SEMA4D: variants seen among roughly 807,000 people sequenced by gnomAD.
SEMA4D encodes semaphorin 4D, also known as semaphorin-4D.
SEMA4D carries 22 observed loss-of-function variants against 74.8 expected under a neutral mutation model. The ratio of observed to expected loss-of-function variants is 0.29; its 90% confidence interval spans 0.21 to 0.42. The LOEUF is 0.42. Ranked by LOEUF, SEMA4D falls within the 10% of genes least tolerant of loss-of-function variation. The pLI is 1.00. For missense variants in SEMA4D, 937 were observed against 1,118.4 expected, an observed-to-expected ratio of 0.84 and a Z score of 2.31; for synonymous variants, 445 against 463.7, an observed-to-expected ratio of 0.96 and a Z score of 0.52.
intron 2 of SEMA4D, among the ~76,000 whole-genome samples, chr9:89,423,467 G>GGCATGAGCCACTGTGTCCGGCCA (rs1390672857): frequency 1.3e-5 from 2 of 152,148 alleles, no homozygotes; most frequent in Non-Finnish European, 2.9e-5. Flanking sequence ...TGGGATTATA[G>GGCATGAGCCACTGTGTCCGGCCA]GCATGAGCCA....
chr9:89,390,499 G>A (rs1368432965), intron 9 of SEMA4D, among the ~76,000 whole-genome samples: 1 of 152,224 alleles, frequency 6.6e-6, no homozygotes, highest in Non-Finnish European at 1.5e-5. Flanking sequence ...GGGCTGTTAA[G>A]GGAACGGTGT....
intron 2 of SEMA4D, among the ~76,000 whole-genome samples, chr9:89,430,793 A>G (rs1849111855): frequency 6.6e-6 from 1 of 152,234 alleles, no homozygotes; most frequent in African/African-American, 2.4e-5. Context: ...GATGGCCTAC[A>G]TGGCAAAACC....
chr9:89,421,563 C>T lies in SEMA4D; in HGVS notation c.-243-15864G>A, dbSNP rs533049705. 2.6e-4 allele frequency among the ~76,000 whole-genome samples: 40 copies of T among 152,338 alleles called. No homozygotes were observed. The South Asian group carries it at 4.3e-3, about 17-fold the overall frequency. ...CTATTCAATAGGTAAACTCCAAAGA[C>T]ACCCAGAAGTCCACCAGTGTGTGTG... On this transcript the variant is annotated intron_variant, in intron 2 of 15. Coordinates refer to ENST00000422704, the MANE Select transcript of SEMA4D (RefSeq NM_001371194.2).
At chr9:89,403,714 C>G (rs1377191286) in intron 3 of SEMA4D, among the ~76,000 whole-genome samples, 1 of 152,152 alleles carries the variant, frequency 6.6e-6, no homozygotes, top group South Asian at 2.1e-4. Context: ...GTCCTGACAA[C>G]AATTTGAGCA....
chr9:89,393,057 C>G (rs144224296), intron 7 of SEMA4D, among the ~76,000 whole-genome samples: 3 of 152,276 alleles, frequency 2.0e-5, no homozygotes, highest in Admixed American at 1.3e-4. Flanking sequence ...CTGAGCCTCC[C>G]GAGTAGCTAG....
chr9:89,487,812 T>C (rs1288778786), intron 1 of SEMA4D, among the ~76,000 whole-genome samples: 1 of 152,204 alleles, frequency 6.6e-6, no homozygotes, highest in Non-Finnish European at 1.5e-5. Context: ...GTGCAAGACC[T>C]GTACACTCAA....
chr9:89,418,330 C>T (rs1481216889), intron 2 of SEMA4D: 26 of 972,148 alleles, frequency 2.7e-5, no homozygotes, highest in African/African-American at 5.3e-5. Flanking sequence ...CACCCACCCA[C>T]GAACAGAGGG....
Position 89,418,441 on chromosome 9 carries a change from T to C in SEMA4D, c.-243-12742A>G, listed in dbSNP as rs530595044. 43 of 985,302 alleles carry C rather than the reference T, an allele frequency of 4.4e-5. 2 individuals carry two copies. In the Middle Eastern group the frequency reaches 1.6e-3, roughly 36 times the overall value. 61.0% of individuals were successfully genotyped at this position (985,302 alleles called of 1,614,324 possible). On this transcript the variant is annotated intron_variant, in intron 2 of 15. Coordinates refer to ENST00000422704, the MANE Select transcript of SEMA4D (RefSeq NM_001371194.2). ...AAGCCATTCCAGTTAGCAGAGTCTG[T>C]GAACCAAAAAAGTACTATCTAATTG...
chr9:89,481,302 T>C (rs879563452), intron 1 of SEMA4D, among the ~76,000 whole-genome samples: 2 of 152,036 alleles, frequency 1.3e-5, no homozygotes, highest in Admixed American at 1.3e-4. Flanking sequence ...GCGGGGCCCA[T>C]CAGCAAGCAA....
intron 1 of SEMA4D, among the ~76,000 whole-genome samples, chr9:89,473,059 G>A (rs1435543384): frequency 2.6e-5 from 4 of 152,114 alleles, no homozygotes; most frequent in African/African-American, 4.8e-5. Context: ...CTGCACTCCC[G>A]CCTAGGCAAC....
intron 4 of SEMA4D, among the ~76,000 whole-genome samples, chr9:89,401,813 T>C (rs1255109779): frequency 6.6e-6 from 1 of 152,162 alleles, no homozygotes; most frequent in Admixed American, 6.5e-5. Context: ...TAGCTGGTGA[T>C]GGGCACTTCC....
At chr9:89,469,604 T>C (rs1859667751) in intron 1 of SEMA4D, among the ~76,000 whole-genome samples, 1 of 152,096 alleles carries the variant, frequency 6.6e-6, no homozygotes, top group Admixed American at 6.5e-5. Context: ...AAACACAAGA[T>C]TGACTCAGTG....
Position 89,379,361 on chromosome 9 carries a change from C to T in SEMA4D, c.1932G>A (p.Leu644=), listed in dbSNP as rs1392318086. 1 of 1,614,176 alleles carries T rather than the reference C, an allele frequency of 6.2e-7. No homozygotes were observed. Among genetic ancestry groups the T allele is most frequent in the Non-Finnish European group, 8.5e-7 (1 of 1,180,026 alleles). Residue 644 remains leucine (L), a synonymous_variant, in exon 16 of 16, where the codon CTG becomes CTA. Transcript: ENST00000422704. ...CGGGCTTTGGAACCACCTTCACTTC[C>T]AGGACGTGCTTGGCGACCACTTGGA... ...TVFQVVAKHV[L]EVKVVPKPVV...
intron 1 of SEMA4D, among the ~76,000 whole-genome samples, chr9:89,481,289 G>A (rs932298125): frequency 9.9e-5 from 15 of 152,218 alleles, no homozygotes; most frequent in Non-Finnish European, 1.5e-5. Context: ...TCCAGCGAGG[G>A]AGGCGGGGCC....
In SEMA4D at chr9:89,387,488, T is replaced by C; in HGVS notation, c.1228A>G (p.Arg410Gly). Reference protein sequence around the residue: ...MDDSVTPIDNRPRLIKKDVNY... With the variant: ...MDDSVTPIDNGPRLIKKDVNY... Reference sequence around the variant, plus strand: ...ACATCTTTCTTGATTAACCTGGGCCTGTTGTCTATTGGGGTTACCGAGTCA... The same window carrying C: ...ACATCTTTCTTGATTAACCTGGGCCCGTTGTCTATTGGGGTTACCGAGTCA... The change falls in exon 12 of 16, where the codon AGG becomes GGG. Residue 410 changes from arginine to glycine, a missense_variant. By Grantham distance (125) the Arg-to-Gly change is moderately radical. Coordinates refer to ENST00000422704, the MANE Select transcript of SEMA4D (RefSeq NM_001371194.2). 1.2e-6 allele frequency: 2 copies of C among 1,614,246 alleles called. No homozygotes were observed. The highest frequency in any genetic ancestry group is 1.6e-4 in the Middle Eastern group (1 of 6,062).
intron 1 of SEMA4D, among the ~76,000 whole-genome samples, chr9:89,477,184 G>A (rs947022071): frequency 6.6e-6 from 1 of 152,202 alleles, no homozygotes; most frequent in East Asian, 1.9e-4. Context: ...CTGCTATTCT[G>A]GAACCTATGA....
chr9:89,446,312 C>T (rs954309060), intron 2 of SEMA4D, among the ~76,000 whole-genome samples: 5 of 152,212 alleles, frequency 3.3e-5, no homozygotes, highest in African/African-American at 1.2e-4. Flanking sequence ...AGATCCTCAA[C>T]TTAGTCCCAG....
chr9:89,406,569 T>C (rs1305034589), intron 2 of SEMA4D, among the ~76,000 whole-genome samples: 2 of 152,232 alleles, frequency 1.3e-5, no homozygotes, highest in South Asian at 2.1e-4. Context: ...GCCACAGGAC[T>C]GGCCCAAGGG....
chr9:89,415,139 A>G (rs1225134395), intron 2 of SEMA4D, among the ~76,000 whole-genome samples: 1 of 152,100 alleles, frequency 6.6e-6, no homozygotes, highest in African/African-American at 2.4e-5. Flanking sequence ...GTGTGACATC[A>G]CTCTACTCTT....
Sources: gnomAD v4.1 joint callset for allele counts (sites outside exome capture counted in the v4.1 genomes callset) on GRCh38, gnomAD v4.1.1 for gene constraint, MANE v1.5 for transcripts, NCBI Gene and HGNC (gene_info 2026-07-23, HGNC 2026-07-21) for gene names.